Variants in TNRC18 observed in about 807,000 individuals in gnomAD.
TNRC18 encodes the protein trinucleotide repeat-containing gene 18 protein.
In TNRC18, 69 loss-of-function variants were observed where a neutral mutation model predicts 226.7. That is an observed-to-expected ratio of 0.30 (90% CI 0.25 to 0.37). The LOEUF (loss-of-function observed/expected upper bound fraction) is 0.37. TNRC18 is among the 10% of genes least tolerant of loss of function. The probability of loss-of-function intolerance (pLI) is 1.00; values close to 1 mark genes in which losing one functional copy is unlikely to be tolerated. For synonymous variants in TNRC18, 2,449 were observed against 1,927.6 expected (o/e 1.27, Z -7.09); for missense variants, 4,754 against 4,256.6 (o/e 1.12, Z -3.25).
chr7:5,317,850 T>G (rs1244730774), intron 24 of TNRC18, among the ~76,000 whole-genome samples: 1 of 151,566 alleles, frequency 6.6e-6, no homozygotes, highest in East Asian at 1.9e-4. Flanking sequence ...GGACAACAGG[T>G]GCACACCACC....
chr7:5,387,841 G>A lies in TNRC18; in HGVS notation c.1983C>T (p.Ala661=), dbSNP rs780207548. Residue 661 remains alanine (A), a synonymous_variant, in exon 5 of 30, where the codon GCC becomes GCT. Transcript: ENST00000430969. Reference sequence around the variant, plus strand: ...CAGAGCCCTCGCGCCCGAAAGCTTTGGCGCTCTCGGGCCTCTCGGGGTCCC... The same window carrying A: ...CAGAGCCCTCGCGCCCGAAAGCTTTAGCGCTCTCGGGCCTCTCGGGGTCCC... ...LKRDPERPES[A]KAFGREGSGA... 3.1e-5 allele frequency: 50 copies of A among 1,604,470 alleles called. 1 individual carries two copies. Among genetic ancestry groups the A allele is most frequent in the Admixed American group, 1.7e-5 (1 of 59,448 alleles).
intron 2 of TNRC18, among the ~76,000 whole-genome samples, chr7:5,415,844 C>A (rs888293141): frequency 6.6e-6 from 1 of 151,514 alleles, no homozygotes; most frequent in Non-Finnish European, 1.5e-5. Context: ...TGGTGGCTCA[C>A]GCCTGTAATC....
At chr7:5,342,428 CAAAAAAAA>C (rs557401325) in intron 18 of TNRC18, among the ~76,000 whole-genome samples, 1 of 86,486 alleles carries the variant, frequency 1.2e-5, no homozygotes, top group East Asian at 3.3e-4. Context: ...GACTCAGTCT[CAAAAAAAA>C]AAAAAAAGAA....
At chr7:5,421,823 T>C (rs1301619036) in intron 1 of TNRC18, among the ~76,000 whole-genome samples, 1 of 152,196 alleles carries the variant, frequency 6.6e-6, no homozygotes, top group Non-Finnish European at 1.5e-5. Context: ...ACGGCGTAAA[T>C]ACAAACCTCC....
rs1222123847 is a variant in TNRC18 at position 5,388,678 on chromosome 7, G to T, written c.1146C>A (p.Asp382Glu). 2.4e-6 allele frequency: 3 copies of T among 1,266,782 alleles called. No homozygotes were observed. The highest frequency in any genetic ancestry group is 2.7e-4 in the Middle Eastern group (1 of 3,748). The allele number at this position is 1,266,782 out of a possible 1,614,324, so 78.5% of individuals were successfully genotyped here. A position where few individuals can be genotyped will look rare whatever the true frequency, so the allele number is the denominator to read the frequency against. Residue 382 changes from aspartate to glutamate, a missense_variant, in exon 5 of 30, where the codon GAC becomes GAA. By Grantham distance (45) the Asp-to-Glu change is conservative. Coordinates refer to ENST00000430969, the MANE Select transcript of TNRC18 (RefSeq NM_001080495.3). The stretch of plus-strand genomic sequence containing the variant: ...CGATCTGGATGGGCCCCGGGCGCTC[G>T]TCGAAGGCCTCCACGGAAGGCACGA... ...PTFVPSVEAF[D>E]ERPGPIQIAS...
In TNRC18 at chr7:5,360,572, A is replaced by G. The variant is rs1258866490; in HGVS notation, c.4662-1003T>C. On this transcript the variant is annotated intron_variant, in intron 14 of 29. Coordinates refer to ENST00000430969, the MANE Select transcript of TNRC18 (RefSeq NM_001080495.3). The stretch of plus-strand genomic sequence containing the variant: ...ATAGATGAGAAAACAGGCTCGGAAA[A>G]GCTAACACCTGGCCCGAGGTCGGTC... Among the ~76,000 whole-genome samples the G allele has an allele frequency of 2.6e-5, 4 of 152,168 alleles. No individual in the cohort carries two copies. In the East Asian group the frequency reaches 7.7e-4, roughly 29 times the overall value.
chr7:5,344,742 A>T (rs1790998173), intron 18 of TNRC18, among the ~76,000 whole-genome samples: 1 of 152,148 alleles, frequency 6.6e-6, no homozygotes, highest in African/African-American at 2.4e-5. Flanking sequence ...CAGAGCCTGA[A>T]CACATGCATG....
At chr7:5,384,133 A>T (rs940687582) in intron 5 of TNRC18, among the ~76,000 whole-genome samples, 1 of 151,742 alleles carries the variant, frequency 6.6e-6, no homozygotes, top group African/African-American at 2.4e-5. Flanking sequence ...CTTGGCTAAT[A>T]TTGTATTTTT....
intron 2 of TNRC18, among the ~76,000 whole-genome samples, chr7:5,400,320 A>C (rs1315778108): frequency 6.6e-6 from 1 of 152,104 alleles, no homozygotes; most frequent in East Asian, 1.9e-4. Context: ...CTTAAAACAA[A>C]AATTCAGAGC....
chr7:5,377,587 G>T lies in TNRC18; in HGVS notation c.2256-11C>A, dbSNP rs774834398. ...AGCTCCTTACTCTCTCTGGAAGGAGGATCATAGGTGTCAGCGACAGCTCGG... is the reference window on the plus strand; with the variant it reads ...AGCTCCTTACTCTCTCTGGAAGGAGTATCATAGGTGTCAGCGACAGCTCGG... On this transcript the variant is annotated splice_polypyrimidine_tract_variant and intron_variant, in intron 6 of 29. Transcript: ENST00000430969. The surrounding 1 kb of genome is among the most constrained non-coding windows in gnomAD (Gnocchi z 5.8). The T allele has an allele frequency of 2.6e-6, 4 of 1,566,324 alleles. No individual in the cohort carries two copies. In the East Asian group the frequency reaches 7.1e-5, roughly 28 times the overall value.
intron 18 of TNRC18, among the ~76,000 whole-genome samples, chr7:5,333,303 G>T (rs10273417): frequency 0.035 from 5,257 of 152,282 alleles, 288 homozygotes; most frequent in African/African-American, 0.12. Flanking sequence ...GAAGATCCTG[G>T]GCCCCTTGAG....
At chr7:5,398,260 A>C (rs796167677) in intron 2 of TNRC18, among the ~76,000 whole-genome samples, 40 of 150,480 alleles carry the variant, frequency 2.7e-4, no homozygotes, top group Admixed American at 6.0e-4. Flanking sequence ...ACCTTCCGCC[A>C]CCCGGGTTCA....
chr7:5,376,261 T>C (rs1315860874), intron 8 of TNRC18, 37 bp from the exon 9 acceptor site: 11 of 1,417,700 alleles, frequency 7.8e-6, no homozygotes, highest in Non-Finnish European at 1.0e-5. Flanking sequence ...ACCTGCGGCC[T>C]GATGCTCCAC....
At chr7:5,362,222 G>A (rs1447002183) in intron 12 of TNRC18, among the ~76,000 whole-genome samples, 189 bp from the exon 13 acceptor site, 1 of 152,176 alleles carries the variant, frequency 6.6e-6, no homozygotes, top group Non-Finnish European at 1.5e-5. Flanking sequence ...CTGGCTCTGC[G>A]GGGCTGTGGC....
intron 18 of TNRC18, among the ~76,000 whole-genome samples, chr7:5,344,919 G>A (rs1177739369): frequency 6.6e-6 from 1 of 152,170 alleles, no homozygotes; most frequent in Non-Finnish European, 1.5e-5. Context: ...ATGGACCGGG[G>A]TAAGCGCCAG....
At position 5,307,102 on chromosome 7, in the gene TNRC18, G is replaced by C. The variant is rs1337175193; in HGVS notation, c.*1004C>G. Reference sequence around the variant, plus strand: ...CCTGGGGGGTGAGTACAGTACACTTGGTGGGGTGGGCGGGGGGTGTGCTGG... The same window carrying C: ...CCTGGGGGGTGAGTACAGTACACTTCGTGGGGTGGGCGGGGGGTGTGCTGG... On this transcript the variant is annotated 3_prime_UTR_variant, in exon 30 of 30. Transcript: ENST00000430969. The C allele has an allele frequency of 6.6e-6, 1 of 150,580 alleles. No individual in the cohort carries two copies. Among genetic ancestry groups the C allele is most frequent in the Non-Finnish European group, 1.5e-5 (1 of 67,554 alleles). 9.3% of individuals were successfully genotyped at this position (150,580 alleles called of 1,614,324 possible). A position where few individuals can be genotyped will look rare whatever the true frequency, so the allele number is the denominator to read the frequency against.
In TNRC18 at chr7:5,415,028, T is replaced by C. The variant is rs147913131; in HGVS notation, c.187+6032A>G. 1.8e-3 allele frequency among the ~76,000 whole-genome samples: 279 copies of C among 152,256 alleles called. 1 individual carries two copies. Among genetic ancestry groups the C allele is most frequent in the Middle Eastern group, 0.01 (3 of 294 alleles). ...GAGTCCAGACCAGTTCTGTGAAATG[T>C]CCCTCAATTTCAATTACTCCTTCCA... On this transcript the variant is annotated intron_variant, in intron 2 of 29. Coordinates refer to ENST00000430969, the MANE Select transcript of TNRC18 (RefSeq NM_001080495.3).
chr7:5,317,615 T>G (rs1787980493), intron 24 of TNRC18, among the ~76,000 whole-genome samples: 1 of 150,030 alleles, frequency 6.7e-6, no homozygotes, highest in Non-Finnish European at 1.5e-5. Flanking sequence ...AAAGTTAAAA[T>G]GAAAAACAAT....
intron 18 of TNRC18, 38 bp downstream of exon 18, chr7:5,345,524 C>CCCCCCCCCCCCCCCCCCCCCCCCACA: frequency 1.1e-5 from 2 of 182,374 alleles, no homozygotes; most frequent in Non-Finnish European, 1.2e-5. Flanking sequence ...TCCGCCCCTC[C>CCCCCCCCCCCCCCCCCCCCCCCCACA]CACCCACCCC....
Sources: allele counts gnomAD v4.1 joint callset (sites outside exome capture counted in the v4.1 genomes callset), GRCh38; gene constraint gnomAD v4.1.1; non-coding constraint Gnocchi (gnomAD v3.1); transcripts MANE v1.5; gene names NCBI Gene and HGNC (gene_info 2026-07-23, HGNC 2026-07-21).